MICAL1: variants seen among roughly 807,000 people sequenced by gnomAD.
MICAL1 encodes microtubule associated monooxygenase, calponin and LIM domain containing 1.
A neutral mutation model predicts 131.8 loss-of-function variants in MICAL1; 95 were observed. The ratio of observed to expected loss-of-function variants is 0.72; its 90% CI spans 0.61 to 0.86. The LOEUF (loss-of-function observed/expected upper bound fraction) is 0.86, where lower values mean the gene tolerates loss of function less well. Ranked by LOEUF, MICAL1 falls within the 40% of genes least tolerant of loss-of-function variation. The pLI, the probability that MICAL1 is intolerant of heterozygous loss-of-function variation, is 0.00. For missense variants in MICAL1, 1,292 were observed against 1,380.6 expected, an observed-to-expected ratio of 0.94 and a Z score of 1.02; for synonymous variants, 546 against 554.2, an observed-to-expected ratio of 0.99 and a Z score of 0.21.
intron 6 of MICAL1, 192 bp from the exon 7 acceptor site, chr6:109,451,892 TAGAGCAA>T: frequency 1.4e-6 from 2 of 1,398,898 alleles, no homozygotes; most frequent in Non-Finnish European, 1.9e-6. Context: ...CCTGAGGACT[TAGAGCAA>T]AGAGGGAAGC....
At chr6:109,458,347 G>A (rs977101385), upstream of MICAL1, among the ~76,000 whole-genome samples, 4 of 152,174 alleles carry the variant, frequency 2.6e-5, no homozygotes, top group African/African-American at 7.2e-5. Context: ...TGTAATCCCA[G>A]CACTTTGGGA....
At chr6:109,465,776 A>T in exon 1 of MICAL1, 7 of 1,613,846 alleles carry the variant, frequency 4.3e-6, no homozygotes, top group Non-Finnish European at 5.9e-6. Context: ...GGAGAGCCTG[A>T]TTTCAAGCGT....
chr6:109,446,161 C>G lies in MICAL1; in HGVS notation c.2556G>C (p.Trp852Cys), dbSNP rs138772971. 69 of 1,561,446 alleles carry G rather than the reference C, an allele frequency of 4.4e-5. No individual in the cohort carries two copies. The highest frequency in any genetic ancestry group is 5.6e-5 in the Non-Finnish European group (65 of 1,157,842). ...CTTGAGGGCTCTGGACTGGCAGGCC[C>G]CAGCCCACAAAGCTGCTCTCCAGGG... ...RHALESSFVG[W>C]GLPVQSPQAL... The change falls in exon 19 of 25, where the codon TGG (tryptophan) becomes TGC (cysteine). Residue 852 changes from tryptophan to cysteine, a missense_variant. Physicochemically the swap from Trp to Cys is radical, Grantham distance 215 (BLOSUM62 -2). Transcript: ENST00000358807.
intron 1 of MICAL1, chr6:109,462,836 G>A (rs1392026434): frequency 1.3e-5 from 2 of 152,138 alleles, no homozygotes. Context: ...TATTTCCTAA[G>A]AAACACACTC....
chr6:109,462,715 T>C (rs1775918060), intron 1 of MICAL1: 1 of 152,232 alleles, frequency 6.6e-6, no homozygotes. Context: ...CTTGAATAAC[T>C]GATTTTGATG....
At chr6:109,451,119 G>T (rs932785096) in intron 7 of MICAL1, among the ~76,000 whole-genome samples, 1 of 150,940 alleles carries the variant, frequency 6.6e-6, no homozygotes, top group Non-Finnish European at 1.5e-5. Flanking sequence ...CCCAGAATAT[G>T]ATTCCTGCTG....
At position 109,449,684 on chromosome 6, in the gene MICAL1, C is replaced by G; in HGVS notation, c.1407G>C (p.Leu469=). ...GLDPATRYPN[L]NLRAVTPNQV... is the part of the protein sequence containing the mutation. Reference sequence around the variant, plus strand: ...GATTGGGGGTCACTGCCCGGAGGTTCAGGTTGGGGTAGCGGGTGGCTGGGT... The same window carrying G: ...GATTGGGGGTCACTGCCCGGAGGTTGAGGTTGGGGTAGCGGGTGGCTGGGT... The change falls in exon 10 of 25, where the codon CTG becomes CTC. Residue 469 remains leucine, a synonymous_variant. Coordinates refer to ENST00000358807, the MANE Select transcript of MICAL1 (RefSeq NM_022765.4). 6.3e-7 allele frequency: 1 copy of G among 1,584,564 alleles called. No individual in the cohort carries two copies. Among genetic ancestry groups the G allele is most frequent in the Non-Finnish European group, 8.6e-7 (1 of 1,166,012 alleles).
chr6:109,449,101 G>A (rs564742897), intron 11 of MICAL1: 22 of 687,562 alleles, frequency 3.2e-5, no homozygotes, highest in South Asian at 1.7e-4. Flanking sequence ...AAGTGAAATC[G>A]CAACTGGCCA....
Position 109,453,941 on chromosome 6 carries a change from T to C in MICAL1, c.256A>G (p.Lys86Glu), listed in dbSNP as rs369162425. Residue 86 changes from lysine to glutamate, a missense_variant and splice_region_variant, in exon 2 of 25, where the codon AAG becomes GAG. Transcript: ENST00000358807. ...YQQGRACTST[K>E]CLVVGAGPCG... ...CATCCCAGGCACCGTGTATCCACCTTGGTGCTGGTGCAGGCCCGGCCCTGC... is the reference window on the plus strand; with the variant it reads ...CATCCCAGGCACCGTGTATCCACCTCGGTGCTGGTGCAGGCCCGGCCCTGC... 3.7e-6 allele frequency: 6 copies of C among 1,613,008 alleles called. No individual in the cohort carries two copies. The highest frequency in any genetic ancestry group is 4.2e-6 in the Non-Finnish European group (5 of 1,179,428).
chr6:109,452,364 A>G lies in MICAL1; in HGVS notation c.714T>C (p.Ile238=). The G allele has an allele frequency of 6.2e-7, 1 of 1,614,186 alleles. No individual in the cohort carries two copies. The highest frequency in any genetic ancestry group is 1.1e-5 in the South Asian group (1 of 91,076). The part of the protein sequence containing the change: ...KVREMRGKLA[I]GITANFVNGR... The stretch of plus-strand genomic sequence containing the variant: ...CATTCACAAAGTTGGCTGTGATGCC[A>G]ATGGCCAGTTTGCCTCGCATTTCTC... The change falls in exon 6 of 25, where the codon ATT becomes ATC. Residue 238 remains isoleucine (I), a synonymous_variant. Transcript: ENST00000358807.
rs1200702044 is a variant in MICAL1, at chr6:109,452,408, G to A, written c.677-7C>T. The stretch of plus-strand genomic sequence containing the variant: ...ATTTCTCGAACTTTGAAGCCTAGAG[G>A]TGGCGGTAGGTGAACAATGGCAGGA... On this transcript the variant is annotated splice_region_variant and splice_polypyrimidine_tract_variant and intron_variant, in intron 5 of 24. Coordinates refer to ENST00000358807, the MANE Select transcript of MICAL1 (RefSeq NM_022765.4). 6.2e-7 allele frequency: 1 copy of A among 1,613,594 alleles called. No individual in the cohort carries two copies. The highest frequency in any genetic ancestry group is 1.7e-5 in the Admixed American group (1 of 60,012).
chr6:109,457,385 C>T, upstream of MICAL1, among the ~76,000 whole-genome samples: 1 of 150,916 alleles, frequency 6.6e-6, no homozygotes, highest in South Asian at 2.1e-4. Flanking sequence ...GCTGGGTTAC[C>T]CTGGGCTCCA....
Position 109,449,988 on chromosome 6 carries a change from A to G in MICAL1, c.1289T>C (p.Leu430Pro). The G allele has an allele frequency of 6.2e-7, 1 of 1,613,940 alleles. No individual in the cohort carries two copies. The highest frequency in any genetic ancestry group is 1.7e-5 in the Admixed American group (1 of 60,006). The part of the protein sequence containing the change: ...VKRWAEGAES[L>P]EVLAERESLY... ...GTCTTACCGCTCAGCCAACACCTCT[A>G]GGGACTCAGCGCCCTCTGCCCACCG... is the stretch of plus-strand genomic sequence containing the variant. Residue 430 changes from leucine (L) to proline (P), a missense_variant, in exon 9 of 25, where the codon CTA (leucine) becomes CCA (proline). Coordinates refer to ENST00000358807, the MANE Select transcript of MICAL1 (RefSeq NM_022765.4).
Position 109,450,103 on chromosome 6 carries a change from T to C in MICAL1, c.1192-18A>G, listed in dbSNP as rs115460238. ...CAGAAGGGCTGCAGTGTCAGAGGAA[T>C]AGGAAGCAGCTCAGGGAGAATCCAA... is the stretch of plus-strand genomic sequence containing the variant. On this transcript the variant is annotated intron_variant, in intron 8 of 24. Transcript: ENST00000358807. 6.3e-4 allele frequency: 1,022 copies of C among 1,610,202 alleles called. 10 individuals are homozygous for C. The African/African-American group carries it at 0.013, about 20-fold the overall frequency.
At position 109,454,068 on chromosome 6, in the gene MICAL1, C is replaced by T. The variant is rs894773996; in HGVS notation, c.129G>A (p.Gly43=). ...TGATCTTGTGGTACTGGGGCAGCCC[C>T]CCACCGGGTTCCAGCCCCAGGGCCC... is the stretch of plus-strand genomic sequence containing the variant. ...LCGALGLEPG[G]GLPQYHKIKD... The change falls in exon 2 of 25, where the codon GGG becomes GGA. Residue 43 remains glycine, a synonymous_variant. Coordinates refer to ENST00000358807, the MANE Select transcript of MICAL1 (RefSeq NM_022765.4). 6 of 1,614,040 alleles carry T rather than the reference C, an allele frequency of 3.7e-6. No homozygotes were observed. The African/African-American group carries it at 5.3e-5, about 14-fold the overall frequency.
chr6:109,445,590 G>T lies in MICAL1; in HGVS notation c.2674-61C>A, dbSNP rs115411825. On this transcript the variant is annotated intron_variant, in intron 20 of 24. Coordinates refer to ENST00000358807, the MANE Select transcript of MICAL1 (RefSeq NM_022765.4). ...GGGCCCCCTGGTGGATAGGAGTGTT[G>T]TTTGGAAAGGCAGAAAATAACCCGT... 1.6e-5 allele frequency: 25 copies of T among 1,590,060 alleles called. No individual in the cohort carries two copies. In the East Asian group the frequency reaches 3.1e-4, roughly 20 times the overall value.
chr6:109,449,751 G>A lies in MICAL1; in HGVS notation c.1340C>T (p.Ser447Phe). Residue 447 changes from serine (S) to phenylalanine (F), a missense_variant, in exon 10 of 25, where the codon TCC (serine) becomes TTC (phenylalanine). Physicochemically the swap from Ser to Phe is radical, Grantham distance 155. Coordinates refer to ENST00000358807, the MANE Select transcript of MICAL1 (RefSeq NM_022765.4). ...CACATTGCGATGCATGTTTTCTGGG[G>A]ATGTCTGTGACAGAAGCTGGTACAG... ...ESLYQLLSQT[S>F]PENMHRNVAQ... 1.2e-6 allele frequency: 2 copies of A among 1,608,720 alleles called. No homozygotes were observed. Among genetic ancestry groups the A allele is most frequent in the South Asian group, 1.1e-5 (1 of 90,186 alleles).
chr6:109,460,210 T>G (rs943605916), upstream of MICAL1, among the ~76,000 whole-genome samples: 14 of 152,014 alleles, frequency 9.2e-5, no homozygotes, highest in African/African-American at 3.4e-4. Flanking sequence ...ATCCCAGCAC[T>G]CTGGGAGGCT....
In MICAL1 at chr6:109,453,679, T is replaced by C. The variant is rs368705889; in HGVS notation, c.425A>G (p.Lys142Arg). The C allele has an allele frequency of 2.5e-6, 4 of 1,613,728 alleles. No individual in the cohort carries two copies. The highest frequency in any genetic ancestry group is 3.4e-6 in the Non-Finnish European group (4 of 1,179,890). ...IHDLRALGAK[K>R]FYGRFCTGTL... ...GCCGGTGCAGAAGCGCCCGTAGAAC[T>C]TCTTAGCACCGAGTGCCCGCAGGTC... The change falls in exon 3 of 25, where the codon AAG (lysine) becomes AGG (arginine). Residue 142 changes from lysine to arginine, a missense_variant. Physicochemically the swap from Lys to Arg is conservative, Grantham distance 26. Transcript: ENST00000358807.
Sources: gnomAD v4.1 joint callset for allele counts (sites outside exome capture counted in the v4.1 genomes callset) on GRCh38, gnomAD v4.1.1 for gene constraint, MANE v1.5 for transcripts, NCBI Gene and HGNC (gene_info 2026-07-23, HGNC 2026-07-21) for gene names.